SETD2: variants seen among roughly 807,000 people sequenced by gnomAD.
The protein encoded by SETD2 is SET domain containing 2, histone lysine methyltransferase.
Under a neutral mutation model 242.1 loss-of-function variants are expected in SETD2, and 31 were observed. The observed-to-expected ratio is 0.13, with a 90% CI of 0.10 to 0.17. The LOEUF (loss-of-function observed/expected upper bound fraction) is 0.17. SETD2 is among the 10% of genes least tolerant of loss of function. SETD2 has a pLI of 1.00. For synonymous variants in SETD2, 1,006 were observed against 1,066.5 expected (o/e 0.94, Z 1.11); for missense variants, 2,481 against 3,046.3 (o/e 0.81, Z 4.37).
At chr3:47,064,425 A>T (rs1278396947) in intron 13 of SETD2, 2 of 169,198 alleles carry the variant, frequency 1.2e-5, no homozygotes, top group Non-Finnish European at 2.6e-5. Flanking sequence ...ACCATTATCC[A>T]GTTGCATCTG....
chr3:47,106,004 T>G lies in SETD2; in HGVS notation c.4832A>C (p.Asn1611Thr), dbSNP rs1370286985. The change falls in exon 6 of 21, where the codon AAT (asparagine) becomes ACT (threonine). Residue 1611 changes from asparagine to threonine, a missense_variant. Asn to Thr is a moderately conservative substitution (Grantham distance 65, BLOSUM62 0). This residue lies in a region of SETD2 where 61 missense variants were observed against 221.4 expected (regional missense o/e 0.28). Transcript: ENST00000409792. The part of the protein sequence containing the change: ...NIHYYFMALK[N>T]DEIIDATQKG... The stretch of plus-strand genomic sequence containing the variant: ...CATATCCAAGCTGCTTACCTCATCA[T>G]TCTTCAGGGCCATGAAATAGTAATG... The G allele has an allele frequency of 1.9e-6, 3 of 1,613,536 alleles. No individual in the cohort carries two copies. In the African/African-American group the frequency reaches 4.0e-5, roughly 22 times the overall value.
At chr3:47,125,969 A>G (rs1450686949) in intron 2 of SETD2, among the ~76,000 whole-genome samples, 1 of 152,270 alleles carries the variant, frequency 6.6e-6, no homozygotes, top group Non-Finnish European at 1.5e-5. Context: ...AAAATTACAT[A>G]GTAGTCATTC....
At chr3:47,096,461 C>T (rs1240115931) in intron 9 of SETD2, among the ~76,000 whole-genome samples, 1 of 151,586 alleles carries the variant, frequency 6.6e-6, no homozygotes, top group East Asian at 1.9e-4. Flanking sequence ...AATCCCAGCA[C>T]TTTGGGAGGC....
chr3:47,089,817 G>C (rs763266382), intron 9 of SETD2, among the ~76,000 whole-genome samples: 4 of 152,132 alleles, frequency 2.6e-5, no homozygotes, highest in Non-Finnish European at 5.9e-5. Context: ...AAATAGGTAA[G>C]ATAAAGACAA....
At chr3:47,079,715 T>C (rs754351644) in intron 12 of SETD2, among the ~76,000 whole-genome samples, 6 of 152,210 alleles carry the variant, frequency 3.9e-5, no homozygotes, top group African/African-American at 9.6e-5. Context: ...CCACAGATGA[T>C]AGTACATAAA....
chr3:47,163,856 AG>A lies in SETD2; in HGVS notation c.68del (p.Pro23LeufsTer88). 7.7e-7 allele frequency: 1 copy of A among 1,301,496 alleles called. No individual in the cohort carries two copies. 80.6% of individuals were successfully genotyped at this position (1,301,496 alleles called of 1,614,324 possible). ...GDFYDPEHPT[P>X]EEEENEAKIE... ...GGGGCCGCGGAGCTGATACTTACTC[AG>A]GGGTCGGGTGCTCCGGGTCGTAGAA... On this transcript the variant is annotated frameshift_variant, in exon 1 of 21. Coordinates refer to ENST00000409792, the MANE Select transcript of SETD2 (RefSeq NM_014159.7). LOFTEE classifies it high-confidence loss of function.
chr3:47,126,330 T>C (rs2043327239), intron 2 of SETD2, among the ~76,000 whole-genome samples: 1 of 152,176 alleles, frequency 6.6e-6, no homozygotes, highest in African/African-American at 2.4e-5. Context: ...AGAAACAGAA[T>C]CCACTTTTCA....
Position 47,121,972 on chromosome 3 carries a change from T to G in SETD2, c.2664A>C (p.Pro888=). ...GIASSLQSLP[P]GIKVDSLTLL... ...GAGTTAGACTGTCCACCTTTATTCC[T>G]GGTGGAAGACTCTGAAGAGATGAAG... The change falls in exon 3 of 21, where the codon CCA becomes CCC. Residue 888 remains proline, a synonymous_variant. Coordinates refer to ENST00000409792, the MANE Select transcript of SETD2 (RefSeq NM_014159.7). 1 of 1,613,982 alleles carries G rather than the reference T, an allele frequency of 6.2e-7. No individual in the cohort carries two copies. Among genetic ancestry groups the G allele is most frequent in the Non-Finnish European group, 8.5e-7 (1 of 1,179,942 alleles).
chr3:47,026,734 C>T (rs2038497175), intron 18 of SETD2, among the ~76,000 whole-genome samples: 1 of 151,930 alleles, frequency 6.6e-6, no homozygotes, highest in Non-Finnish European at 1.5e-5. Context: ...CACGTTCTTA[C>T]TCATAAGTGG....
At chr3:47,046,848 G>T in intron 15 of SETD2, 19 of 272,106 alleles carry the variant, frequency 7.0e-5, no homozygotes, top group Admixed American at 1.0e-4. Flanking sequence ...TTTATCATAA[G>T]AAAATAAAAG....
intron 4 of SETD2, among the ~76,000 whole-genome samples, chr3:47,114,802 C>G (rs936573872): frequency 6.6e-6 from 1 of 150,646 alleles, no homozygotes; most frequent in Non-Finnish European, 1.5e-5. Flanking sequence ...TTGTTTGAAC[C>G]CAGGAGGCAG....
chr3:47,145,787 C>A (rs2043836646), intron 1 of SETD2, among the ~76,000 whole-genome samples: 1 of 151,820 alleles, frequency 6.6e-6, no homozygotes, highest in Admixed American at 6.6e-5. Context: ...AGGCCCCCAA[C>A]AGGAGGAGTG....
At chr3:47,049,110 A>T (rs904328445) in intron 15 of SETD2, among the ~76,000 whole-genome samples, 1 of 151,314 alleles carries the variant, frequency 6.6e-6, no homozygotes, top group Non-Finnish European at 1.5e-5. Flanking sequence ...CGCCCAGCTA[A>T]TTAAAAACAA....
chr3:47,140,325 A>G (rs115459067), intron 1 of SETD2, among the ~76,000 whole-genome samples: 25 of 152,290 alleles, frequency 1.6e-4, no homozygotes, highest in East Asian at 9.7e-4. Context: ...TCCAAAACCC[A>G]TAAGTTGGAA....
In SETD2 at chr3:47,016,909, T is replaced by A. The variant is rs2038006457; in HGVS notation, c.*184A>T. ...CACATGCCAACAGCTCACAACTAGG[T>A]AATCACTTGTAGATGGAGTTCATTT... is the stretch of plus-strand genomic sequence containing the variant. On this transcript the variant is annotated 3_prime_UTR_variant, in exon 21 of 21. Coordinates refer to ENST00000409792, the MANE Select transcript of SETD2 (RefSeq NM_014159.7). The A allele has an allele frequency of 1.7e-6, 1 of 596,428 alleles. No individual in the cohort carries two copies. Among genetic ancestry groups the A allele is most frequent in the African/African-American group, 1.8e-5 (1 of 54,072 alleles). 36.9% of individuals were successfully genotyped at this position (596,428 alleles called of 1,614,324 possible).
At chr3:47,158,288 T>G (rs1409869394) in intron 1 of SETD2, among the ~76,000 whole-genome samples, 1 of 152,208 alleles carries the variant, frequency 6.6e-6, no homozygotes, top group South Asian at 2.1e-4. Flanking sequence ...ATTTCAAGAT[T>G]CTATAAAAAC....
chr3:47,122,148 C>T lies in SETD2; in HGVS notation c.2488G>A (p.Glu830Lys), dbSNP rs2106670434. The T allele has an allele frequency of 1.2e-6, 2 of 1,613,904 alleles. No homozygotes were observed. Among genetic ancestry groups the T allele is most frequent in the Non-Finnish European group, 1.7e-6 (2 of 1,179,898 alleles). The change falls in exon 3 of 21, where the codon GAA becomes AAA. Residue 830 changes from glutamate (E) to lysine (K), a missense_variant. Glu to Lys is a moderately conservative substitution (Grantham distance 56). Coordinates refer to ENST00000409792, the MANE Select transcript of SETD2 (RefSeq NM_014159.7). ...SSNSFMNVHL[E>K]SKPVICDSRN... is the part of the protein sequence containing the mutation. ...CTATCACATATAACTGGTTTTGATT[C>T]CAAATGCACATTCATAAAGCTATTT... is the stretch of plus-strand genomic sequence containing the variant.
intron 16 of SETD2, among the ~76,000 whole-genome samples, chr3:47,044,339 C>A (rs1485866154): frequency 2.6e-5 from 1 of 39,014 alleles, no homozygotes; most frequent in African/African-American, 1.2e-4. Flanking sequence ...AGCAAGACTT[C>A]ATCTCAAAAA....
intron 3 of SETD2, 52 bp from the exon 4 acceptor site, chr3:47,116,806 TATAAC>T (rs2042870360): frequency 7.9e-7 from 1 of 1,259,534 alleles, no homozygotes; most frequent in African/African-American, 1.5e-5. Flanking sequence ...CTGGTAAAGA[TATAAC>T]ATATATAATC....
Sources: gnomAD v4.1 joint callset for allele counts (sites outside exome capture counted in the v4.1 genomes callset) on GRCh38, gnomAD v4.1.1 for gene constraint, gnomAD v4.1.1 regional missense constraint, MANE v1.5 for transcripts, NCBI Gene and HGNC (gene_info 2026-07-23, HGNC 2026-07-21) for gene names.